SLCO6A1: variants seen among roughly 807,000 people sequenced by gnomAD.
The protein encoded by SLCO6A1 is cancer/testis antigen 48.
Under a neutral mutation model 72.7 loss-of-function variants are expected in SLCO6A1, and 65 were observed. The observed-to-expected ratio is 0.89, with a 90% CI of 0.73 to 1.10. SLCO6A1 has a LOEUF of 1.10. SLCO6A1 is among the 50% of genes least tolerant of loss of function. SLCO6A1 has a pLI of 0.00. For synonymous variants in SLCO6A1, 314 were observed against 298.2 expected (o/e 1.05, Z -0.55); for missense variants, 874 against 872.6 (o/e 1.00, Z -0.02).
chr5:102,374,506 T>C (rs1437354139), intron 12 of SLCO6A1, among the ~76,000 whole-genome samples: 2 of 152,134 alleles, frequency 1.3e-5, no homozygotes, highest in Non-Finnish European at 2.9e-5. Context: ...CCCAGGCTGG[T>C]CTTGAACTCC....
chr5:102,393,962 C>T (rs944632698), intron 10 of SLCO6A1, among the ~76,000 whole-genome samples: 1 of 152,112 alleles, frequency 6.6e-6, no homozygotes, highest in African/African-American at 2.4e-5. Context: ...CATTCTTAGC[C>T]CCATGTGATC....
intron 8 of SLCO6A1, among the ~76,000 whole-genome samples, chr5:102,413,885 A>T (rs1748127878): frequency 6.6e-6 from 1 of 152,122 alleles, no homozygotes; most frequent in African/African-American, 2.4e-5. Flanking sequence ...ATCTTTCCAT[A>T]TATTTCTTTT....
At chr5:102,409,499 T>C (rs1032744737) in intron 9 of SLCO6A1, among the ~76,000 whole-genome samples, 1 of 152,150 alleles carries the variant, frequency 6.6e-6, no homozygotes, top group Admixed American at 6.6e-5. Flanking sequence ...TTTTTATTGG[T>C]ATCGATCTTT....
rs571137672 is a variant in SLCO6A1 at position 102,491,028 on chromosome 5, G to A, written c.358+7459C>T. On this transcript the variant is annotated intron_variant, in intron 1 of 13. Coordinates refer to ENST00000506729, the MANE Select transcript of SLCO6A1 (RefSeq NM_173488.5). ...GAGCCGAGTGGTCTGTTTTGGCAGG[G>A]CGCTGATTGGTGCGTTTACAATCCC... Among the ~76,000 whole-genome samples, 312 of 152,216 alleles carry A rather than the reference G, an allele frequency of 2.0e-3. 3 individuals are homozygous for A. Among genetic ancestry groups the A allele is most frequent in the African/African-American group, 7.1e-3 (296 of 41,512 alleles).
chr5:102,404,428 G>T (rs1226650325), intron 9 of SLCO6A1, among the ~76,000 whole-genome samples: 1 of 152,118 alleles, frequency 6.6e-6, no homozygotes, highest in Non-Finnish European at 1.5e-5. Context: ...CGGGGAGGCG[G>T]AGCTTGCAGT....
intron 6 of SLCO6A1, among the ~76,000 whole-genome samples, chr5:102,455,652 G>C (rs1444790985): frequency 6.6e-6 from 1 of 152,082 alleles, no homozygotes; most frequent in Non-Finnish European, 1.5e-5. Context: ...ATACATGCAT[G>C]TCATCCCATT....
At chr5:102,491,820 C>A (rs1251315924) in intron 1 of SLCO6A1, among the ~76,000 whole-genome samples, 1 of 152,270 alleles carries the variant, frequency 6.6e-6, no homozygotes, top group Admixed American at 6.5e-5. Flanking sequence ...CTGGAGGGCT[C>A]CTCAAGCATG....
intron 1 of SLCO6A1, among the ~76,000 whole-genome samples, chr5:102,483,140 T>G (rs974235578): frequency 1.3e-5 from 2 of 151,922 alleles, no homozygotes; most frequent in African/African-American, 4.8e-5. Flanking sequence ...ATCTATCTAC[T>G]TCATTATTGA....
chr5:102,404,943 C>T (rs1328232145), intron 9 of SLCO6A1, among the ~76,000 whole-genome samples: 4 of 152,080 alleles, frequency 2.6e-5, no homozygotes, highest in Admixed American at 6.5e-5. Context: ...TATGAAAAAT[C>T]GTGCCTAAAT....
At chr5:102,469,751 A>C (rs1486740679) in intron 4 of SLCO6A1, among the ~76,000 whole-genome samples, 1 of 152,056 alleles carries the variant, frequency 6.6e-6, no homozygotes, top group East Asian at 1.9e-4. Flanking sequence ...TTCAAAGGGA[A>C]TGCTTCCAGT....
At chr5:102,434,122 T>G (rs1305541549) in intron 7 of SLCO6A1, among the ~76,000 whole-genome samples, 4 of 151,990 alleles carry the variant, frequency 2.6e-5, no homozygotes, top group African/African-American at 9.7e-5. Flanking sequence ...GGGTGAAAAC[T>G]TTCTGTATAT....
At chr5:102,415,069 A>G (rs1748208892) in intron 8 of SLCO6A1, among the ~76,000 whole-genome samples, 1 of 152,124 alleles carries the variant, frequency 6.6e-6, no homozygotes, top group Non-Finnish European at 1.5e-5. Context: ...GATAACACAA[A>G]CAAATGGAAA....
At chr5:102,389,845 A>T (rs543096743) in intron 11 of SLCO6A1, among the ~76,000 whole-genome samples, 1,236 of 87,356 alleles carry the variant, frequency 0.014, 11 homozygotes, top group Non-Finnish European at 0.025. Flanking sequence ...CTCCACATTT[A>T]TCTCCTGTAT....
chr5:102,457,800 C>T lies in SLCO6A1; in HGVS notation c.1131+582G>A, dbSNP rs1260159475. Among the ~76,000 whole-genome samples, 10 of 152,262 alleles carry T rather than the reference C, an allele frequency of 6.6e-5. No individual in the cohort carries two copies. The Middle Eastern group carries it at 0.01, about 155-fold the overall frequency. ...TCATGCTGCTATAAAGACACATGCA[C>T]ATGTATGTTTACTGTGGCACTATTC... is the stretch of plus-strand genomic sequence containing the variant. On this transcript the variant is annotated intron_variant, in intron 6 of 13. Coordinates refer to ENST00000506729, the MANE Select transcript of SLCO6A1 (RefSeq NM_173488.5).
intron 7 of SLCO6A1, among the ~76,000 whole-genome samples, chr5:102,435,875 C>CAAAAA (rs1201565012): frequency 2.2e-3 from 234 of 106,576 alleles, no homozygotes; most frequent in African/African-American, 7.7e-3. Flanking sequence ...AACTCCATCT[C>CAAAAA]AAAAAAAAAA....
intron 12 of SLCO6A1, among the ~76,000 whole-genome samples, chr5:102,384,710 T>A (rs549312056): frequency 2.6e-5 from 4 of 152,296 alleles, no homozygotes; most frequent in Admixed American, 2.0e-4. Context: ...TGTTGAGTTG[T>A]ATAGTACATT....
chr5:102,385,427 T>G (rs1465941727), intron 12 of SLCO6A1, among the ~76,000 whole-genome samples: 1 of 152,150 alleles, frequency 6.6e-6, no homozygotes, highest in African/African-American at 2.4e-5. Flanking sequence ...CTTCTGGGAC[T>G]CTCATAATGC....
intron 2 of SLCO6A1, among the ~76,000 whole-genome samples, chr5:102,478,783 T>C (rs920393653): frequency 2.0e-5 from 3 of 152,176 alleles, no homozygotes; most frequent in African/African-American, 7.2e-5. Context: ...AATAATATTG[T>C]GGAAACACTA....
intron 6 of SLCO6A1, among the ~76,000 whole-genome samples, chr5:102,444,405 C>T (rs1750001125): frequency 6.6e-6 from 1 of 152,054 alleles, no homozygotes; most frequent in Non-Finnish European, 1.5e-5. Context: ...TCCCTAGAGA[C>T]AAAAAGGATG....
Sources: allele counts gnomAD v4.1 joint callset (sites outside exome capture counted in the v4.1 genomes callset), GRCh38; gene constraint gnomAD v4.1.1; transcripts MANE v1.5; gene names NCBI Gene and HGNC (gene_info 2026-07-23, HGNC 2026-07-21).